Variants in MRI1 observed in about 807,000 individuals in gnomAD.
MRI1 encodes the protein methylthioribose-1-phosphate isomerase 1, also known as methylthioribose-1-phosphate isomerase.
Under a neutral mutation model 27.3 loss-of-function variants are expected in MRI1, and 32 were observed. That is an observed-to-expected ratio of 1.17 (90% CI 0.88 to 1.57). The LOEUF is 1.57. Among genes scored for constraint, MRI1 ranks in the 40% most tolerant of loss-of-function variants. The probability of loss-of-function intolerance (pLI) is 0.00; values close to 1 mark genes in which losing one functional copy is unlikely to be tolerated. For missense variants in MRI1, 508 were observed against 516.1 expected, an observed-to-expected ratio of 0.98 and a Z score of 0.15; for synonymous variants, 216 against 227.4, an observed-to-expected ratio of 0.95 and a Z score of 0.45.
intron 5 of MRI1, among the ~76,000 whole-genome samples, chr19:13,771,633 G>A (rs1057402970): frequency 2.6e-5 from 4 of 152,068 alleles, no homozygotes; most frequent in Admixed American, 2.0e-4. Context: ...AGGCCGAGGC[G>A]GGCAGATCAC....
At position 13,764,639 on chromosome 19, in the gene MRI1, C is replaced by A; in HGVS notation, c.51C>A (p.Asp17Glu). 3.1e-6 allele frequency: 5 copies of A among 1,608,296 alleles called. No homozygotes were observed. The highest frequency in any genetic ancestry group is 2.5e-6 in the Non-Finnish European group (3 of 1,179,016). ...CGCGGGGCTCCCTGCAGATCCTAGA[C>A]CAGCTGCTGCTGCCCAAGCAGAGCC... The part of the protein sequence containing the change: ...RYSRGSLQIL[D>E]QLLLPKQSRY... Residue 17 changes from aspartate to glutamate, a missense_variant, in exon 1 of 6, where the codon GAC becomes GAA. Transcript: ENST00000040663.
Position 13,772,459 on chromosome 19 carries a change from C to T in MRI1, c.*178C>T, listed in dbSNP as rs967550771. 2 of 559,984 alleles carry T rather than the reference C, an allele frequency of 3.6e-6. No homozygotes were observed. The highest frequency in any genetic ancestry group is 3.4e-5 in the Admixed American group (1 of 29,044). 34.7% of individuals were successfully genotyped at this position (559,984 alleles called of 1,614,324 possible). A position where few individuals can be genotyped will look rare whatever the true frequency, so the allele number is the denominator to read the frequency against. On this transcript the variant is annotated 3_prime_UTR_variant, in exon 6 of 6. Coordinates refer to ENST00000040663, the MANE Select transcript of MRI1 (RefSeq NM_001031727.4). ...CAGGCTGCCCAGATTCAAATCCTGA[C>T]TCCGCCACTTTTCCCACTGTATGAT...
chr19:13,764,722 TGCAGCGGGGCGGCGGGGCGGCGGG>T lies in MRI1; in HGVS notation c.132+5_132+28del, dbSNP rs1292274450. ...TGGGAGGCCATCCGCGCCATGAAGG[TGCAGCGGGGCGGCGGGGCGGCGGG>T]GCGGCGGGGCGGCGGGGCGGCGGGG... On this transcript the variant is annotated splice_donor_5th_base_variant and intron_variant, in intron 1 of 5. Transcript: ENST00000040663. 8.3e-6 allele frequency: 11 copies of T among 1,321,320 alleles called. No homozygotes were observed. In the Admixed American group the frequency reaches 1.3e-4, roughly 16 times the overall value. The allele number at this position is 1,321,320 out of a possible 1,614,324, so 81.8% of individuals were successfully genotyped here.
rs1444447081 is a variant in MRI1 at position 13,766,802 on chromosome 19, C to T, written c.547+673C>T. Among the ~76,000 whole-genome samples, 3 of 151,678 alleles carry T rather than the reference C, an allele frequency of 2.0e-5. No homozygotes were observed. In the Admixed American group the frequency reaches 2.0e-4, roughly 10 times the overall value. ...CTCAGACACCGCCATTTGCTGGGGA[C>T]GCAGCAGTGAACAAAACAGACAAAA... On this transcript the variant is annotated intron_variant, in intron 3 of 5. Transcript: ENST00000040663.
At chr19:13,770,316 G>T (rs1974242789) in intron 5 of MRI1, among the ~76,000 whole-genome samples, 1 of 152,206 alleles carries the variant, frequency 6.6e-6, no homozygotes. Flanking sequence ...CAGATGCCGT[G>T]GCTCACGCCT....
At chr19:13,767,120 T>A (rs1974155018) in intron 3 of MRI1, among the ~76,000 whole-genome samples, 1 of 143,802 alleles carries the variant, frequency 7.0e-6, no homozygotes, top group Admixed American at 7.3e-5. Context: ...GATCTCAGCT[T>A]ACTACAACCT....
intron 3 of MRI1, among the ~76,000 whole-genome samples, chr19:13,766,762 A>C: frequency 6.6e-6 from 1 of 152,040 alleles, no homozygotes; most frequent in East Asian, 1.9e-4. Context: ...AGCATTTAGT[A>C]AGCACCTGCT....
rs750852402 is a variant in MRI1 at position 13,768,621 on chromosome 19, G to A, written c.608G>A (p.Arg203Gln). 1.4e-5 allele frequency: 23 copies of A among 1,613,112 alleles called. No homozygotes were observed. Among genetic ancestry groups the A allele is most frequent in the Non-Finnish European group, 1.9e-5 (22 of 1,179,802 alleles). The change falls in exon 4 of 6, where the codon CGG becomes CAG. Residue 203 changes from arginine (R) to glutamine (Q), a missense_variant. Around this residue, in one of 3 missense-constraint regions of MRI1, gnomAD observed 457 missense variants for 452.8 expected, o/e 1.01. Coordinates refer to ENST00000040663, the MANE Select transcript of MRI1 (RefSeq NM_001031727.4). ...RLEHAFCTET[R>Q]PYNQGARLTA... ...GAGCATGCCTTCTGCACAGAGACCC[G>A]GCCCTACAACCAGGGAGCCCGGCTG...
chr19:13,770,095 C>CT (rs1349697637), intron 5 of MRI1, among the ~76,000 whole-genome samples: 1 of 152,162 alleles, frequency 6.6e-6, no homozygotes, highest in African/African-American at 2.4e-5. Context: ...GCTCCCATGC[C>CT]TAGCTGCAAG....
rs1291940475 is a variant in MRI1 at position 13,772,427 on chromosome 19, C to T, written c.*146C>T. 1 of 718,440 alleles carries T rather than the reference C, an allele frequency of 1.4e-6. No homozygotes were observed. Among genetic ancestry groups the T allele is most frequent in the Non-Finnish European group, 2.2e-6 (1 of 454,258 alleles). 44.5% of individuals were successfully genotyped at this position (718,440 alleles called of 1,614,324 possible). ...GGGCCTTCCATCTAGAGCCCAGCAC[C>T]TAGAGCCAGGCTGCCCAGATTCAAA... is the stretch of plus-strand genomic sequence containing the variant. On this transcript the variant is annotated 3_prime_UTR_variant, in exon 6 of 6. Transcript: ENST00000040663.
Position 13,772,445 on chromosome 19 carries a change from G to C in MRI1, c.*164G>C. Reference sequence around the variant, plus strand: ...CCAGCACCTAGAGCCAGGCTGCCCAGATTCAAATCCTGACTCCGCCACTTT... The same window carrying C: ...CCAGCACCTAGAGCCAGGCTGCCCACATTCAAATCCTGACTCCGCCACTTT... On this transcript the variant is annotated 3_prime_UTR_variant, in exon 6 of 6. Transcript: ENST00000040663. 6.5e-6 allele frequency: 4 copies of C among 611,934 alleles called. No homozygotes were observed. Among genetic ancestry groups the C allele is most frequent in the Non-Finnish European group, 1.1e-5 (4 of 366,196 alleles). 37.9% of individuals were successfully genotyped at this position (611,934 alleles called of 1,614,324 possible). A position where few individuals can be genotyped will look rare whatever the true frequency, so the allele number is the denominator to read the frequency against.
Position 13,772,346 on chromosome 19 carries a change from A to G in MRI1, c.*65A>G. The G allele has an allele frequency of 2.0e-6, 3 of 1,505,598 alleles. No homozygotes were observed. The East Asian group carries it at 7.1e-5, about 35-fold the overall frequency. 93.3% of individuals were successfully genotyped at this position (1,505,598 alleles called of 1,614,324 possible). ...AATACATTTCTTGAATGGCTACCCAAAAGCTGACCGTCCAGCCCCTGACCA... is the reference window on the plus strand; with the variant it reads ...AATACATTTCTTGAATGGCTACCCAGAAGCTGACCGTCCAGCCCCTGACCA... On this transcript the variant is annotated 3_prime_UTR_variant, in exon 6 of 6. Transcript: ENST00000040663.
intron 3 of MRI1, among the ~76,000 whole-genome samples, chr19:13,766,523 G>C (rs914012359): frequency 6.6e-6 from 1 of 152,154 alleles, no homozygotes; most frequent in African/African-American, 2.4e-5. Context: ...CCTAGAGCCA[G>C]GGCAGGACGT....
chr19:13,768,082 A>G (rs891320809), intron 3 of MRI1, among the ~76,000 whole-genome samples: 5 of 151,446 alleles, frequency 3.3e-5, no homozygotes, highest in Admixed American at 1.3e-4. Flanking sequence ...GTTAGCCAGG[A>G]TGGTCTCGAT....
chr19:13,765,480 C>T (rs1974101854), intron 2 of MRI1, among the ~76,000 whole-genome samples: 1 of 152,128 alleles, frequency 6.6e-6, no homozygotes, highest in Admixed American at 6.5e-5. Context: ...TCTTTTTCCC[C>T]CCACTTCCTT....
intron 3 of MRI1, 163 bp from the exon 4 acceptor site, chr19:13,768,398 C>A (rs1172773899): frequency 1.2e-5 from 18 of 1,529,178 alleles, no homozygotes; most frequent in Admixed American, 9.8e-5. Flanking sequence ...AAGAGCATAC[C>A]AGGCAGAGGG....
intron 3 of MRI1, among the ~76,000 whole-genome samples, chr19:13,766,610 G>A (rs527894013): frequency 2.0e-5 from 3 of 152,142 alleles, no homozygotes; most frequent in African/African-American, 7.2e-5. Context: ...CAGGGGGAGT[G>A]GGCTGTAGGG....
intron 5 of MRI1, among the ~76,000 whole-genome samples, chr19:13,769,761 A>C (rs1223007846): frequency 6.6e-6 from 1 of 151,802 alleles, no homozygotes; most frequent in Non-Finnish European, 1.5e-5. Flanking sequence ...CTCTACTAAA[A>C]ATACAAAAAT....
rs1194359749 is a variant in MRI1, at chr19:13,768,756, C to CTGGGGGCGGGGCTCTGGAGCA, written c.724+25_725-42dup. The CTGGGGGCGGGGCTCTGGAGCA allele has an allele frequency of 6.2e-7, 1 of 1,605,156 alleles. No homozygotes were observed. Reference sequence around the variant, plus strand: ...GTGTCAGGTAAGCAGACGGTAAGCCCTGGGGGCGGGGCTCTGGAGCATGGG... The same window carrying CTGGGGGCGGGGCTCTGGAGCA: ...GTGTCAGGTAAGCAGACGGTAAGCCCTGGGGGCGGGGCTCTGGAGCATGGGGGCGGGGCTCTGGAGCATGGG... On this transcript the variant is annotated intron_variant, in intron 4 of 5. Transcript: ENST00000040663.
Sources: allele counts gnomAD v4.1 joint callset (sites outside exome capture counted in the v4.1 genomes callset), GRCh38; gene constraint gnomAD v4.1.1; regional missense constraint gnomAD v4.1.1; transcripts MANE v1.5; gene names NCBI Gene and HGNC (gene_info 2026-07-23, HGNC 2026-07-21).